Variants in SKA1 observed in about 807,000 individuals in gnomAD.
SKA1 encodes the protein SKA complex subunit 1.
A neutral mutation model predicts 31.8 loss-of-function variants in SKA1; 20 were observed. The observed-to-expected ratio is 0.63, with a 90% CI of 0.44 to 0.91. The LOEUF is 0.91. Among genes scored for constraint, SKA1 ranks in the 40% least tolerant of loss-of-function variants. SKA1 has a pLI of 0.00. For synonymous variants in SKA1, 88 were observed against 100.5 expected, an observed-to-expected ratio of 0.88 and a Z score of 0.74; for missense variants, 253 against 298.2, an observed-to-expected ratio of 0.85 and a Z score of 1.12.
rs1270001632 is a variant in SKA1, at chr18:50,392,126, T to C, written c.647T>C (p.Ile216Thr). 1 of 1,601,482 alleles carries C rather than the reference T, an allele frequency of 6.2e-7. No homozygotes were observed. The highest frequency in any genetic ancestry group is 8.5e-7 in the Non-Finnish European group (1 of 1,177,110). ...KGRYFIVEAD[I>T]KEFTTLKADK... Reference sequence around the variant, plus strand: ...CGTTATTTTATAGTGGAAGCTGACATAAAGGAGTTCACAACTTTGAAAGCT... The same window carrying C: ...CGTTATTTTATAGTGGAAGCTGACACAAAGGAGTTCACAACTTTGAAAGCT... The change falls in exon 7 of 7, where the codon ATA (isoleucine) becomes ACA (threonine). Residue 216 changes from isoleucine to threonine, a missense_variant. Coordinates refer to ENST00000285116, the MANE Select transcript of SKA1 (RefSeq NM_145060.4).
intron 5 of SKA1, among the ~76,000 whole-genome samples, chr18:50,387,846 T>A (rs1165908465): frequency 6.6e-6 from 1 of 152,244 alleles, no homozygotes; most frequent in African/African-American, 2.4e-5. Context: ...CCAAAATCTC[T>A]GTCATTTCTC....
intron 2 of SKA1, 22 bp from the exon 3 acceptor site, chr18:50,380,104 A>C (rs2041251572): frequency 2.7e-6 from 4 of 1,485,600 alleles, no homozygotes; most frequent in Non-Finnish European, 3.6e-6. Context: ...TTTGTTTTCT[A>C]TTTTATTTTT....
Position 50,392,351 on chromosome 18 carries a change from C to CTTTTTT in SKA1, c.*104_*105insTTTTTT. 1.3e-6 allele frequency: 1 copy of CTTTTTT among 775,568 alleles called. No individual in the cohort carries two copies. Among genetic ancestry groups the CTTTTTT allele is most frequent in the African/African-American group, 2.1e-5 (1 of 48,548 alleles). The allele number at this position is 775,568 out of a possible 1,614,324, so 48.0% of individuals were successfully genotyped here. A position where few individuals can be genotyped will look rare whatever the true frequency, so the allele number is the denominator to read the frequency against. On this transcript the variant is annotated 3_prime_UTR_variant, in exon 7 of 7. Transcript: ENST00000285116. ...TTTTAACTTTTAATCTTTTTTGTTT[C>CTTTTTT]CTTTTTTTTTTTTTTGAGACAGGAT...
At chr18:50,388,676 G>C (rs1464317257) in intron 5 of SKA1, among the ~76,000 whole-genome samples, 3 of 152,184 alleles carry the variant, frequency 2.0e-5, no homozygotes, top group Admixed American at 6.5e-5. Flanking sequence ...GTCAGATAAG[G>C]TTCTGGTCAA....
chr18:50,389,968 C>G (rs1229214018), intron 5 of SKA1, among the ~76,000 whole-genome samples: 1 of 152,086 alleles, frequency 6.6e-6, no homozygotes, highest in Non-Finnish European at 1.5e-5. Context: ...GTGAAAAAAT[C>G]ATGTTTTCCA....
chr18:50,389,038 C>T (rs894939391), intron 5 of SKA1, among the ~76,000 whole-genome samples: 1 of 152,160 alleles, frequency 6.6e-6, no homozygotes, highest in Non-Finnish European at 1.5e-5. Flanking sequence ...TTTGTCTCTC[C>T]TGTTTTGGGG....
intron 5 of SKA1, among the ~76,000 whole-genome samples, chr18:50,390,170 G>A (rs866056220): frequency 3.1e-4 from 47 of 152,216 alleles, no homozygotes; most frequent in African/African-American, 1.1e-3. Context: ...GAAAAAACAG[G>A]ACAGCAAAAA....
At chr18:50,380,058 C>A in intron 2 of SKA1, 68 bp from the exon 3 acceptor site, 1 of 1,315,486 alleles carries the variant, frequency 7.6e-7, no homozygotes, top group South Asian at 1.7e-5. Context: ...TCTAAGAGTT[C>A]GCATGAGTAC....
intron 1 of SKA1, 92 bp downstream of exon 1, chr18:50,375,286 G>A (rs947781311): frequency 6.6e-6 from 1 of 152,542 alleles, no homozygotes; most frequent in Non-Finnish European, 1.5e-5. Context: ...GGGCTTGGGG[G>A]AGGACGGGGC....
intron 5 of SKA1, among the ~76,000 whole-genome samples, chr18:50,388,478 A>G (rs1185700032): frequency 2.0e-5 from 3 of 152,130 alleles, no homozygotes; most frequent in Non-Finnish European, 4.4e-5. Flanking sequence ...TAGCTTGCTA[A>G]GTGTTAGTTC....
chr18:50,390,441 C>G (rs756027896), intron 5 of SKA1, among the ~76,000 whole-genome samples: 1 of 152,178 alleles, frequency 6.6e-6, no homozygotes, highest in Non-Finnish European at 1.5e-5. Flanking sequence ...TATTGTAAGA[C>G]TCCATGGTGA....
intron 6 of SKA1, among the ~76,000 whole-genome samples, chr18:50,391,546 A>C (rs1374586398): frequency 6.6e-6 from 1 of 152,230 alleles, no homozygotes; most frequent in Non-Finnish European, 1.5e-5. Flanking sequence ...TAGCACCCAC[A>C]AAATAAATTC....
Position 50,380,111 on chromosome 18 carries a change from T to C in SKA1, c.89-15T>C, listed in dbSNP as rs776136370. On this transcript the variant is annotated splice_polypyrimidine_tract_variant and intron_variant, in intron 2 of 6. Coordinates refer to ENST00000285116, the MANE Select transcript of SKA1 (RefSeq NM_145060.4). ...CTATACACTTTGTTTTCTATTTTATTTTTGTTTATAACAGGCCAGGAACCT... is the reference window on the plus strand; with the variant it reads ...CTATACACTTTGTTTTCTATTTTATCTTTGTTTATAACAGGCCAGGAACCT... The C allele has an allele frequency of 7.4e-6, 11 of 1,494,474 alleles. No homozygotes were observed. In the East Asian group the frequency reaches 2.6e-4, roughly 35 times the overall value. The allele number at this position is 1,494,474 out of a possible 1,614,324, so 92.6% of individuals were successfully genotyped here.
chr18:50,389,375 CTTTTTTTT>C (rs756288352), intron 5 of SKA1, among the ~76,000 whole-genome samples: 27 of 86,140 alleles, frequency 3.1e-4, no homozygotes, highest in East Asian at 1.8e-3. Context: ...CTTTACCTTT[CTTTTTTTT>C]TTTTTTTTTT....
intron 1 of SKA1, 72 bp from the exon 2 acceptor site, chr18:50,375,748 T>G: frequency 1.1e-6 from 1 of 940,938 alleles, no homozygotes; most frequent in Non-Finnish European, 1.6e-6. Flanking sequence ...TTGACCATTC[T>G]TGGATTTCGA....
At position 50,385,225 on chromosome 18, in the gene SKA1, A is replaced by G. The variant is rs751685179; in HGVS notation, c.321A>G (p.Gly107=). Residue 107 remains glycine (G), a synonymous_variant, in exon 5 of 7, where the codon GGA becomes GGG. Coordinates refer to ENST00000285116, the MANE Select transcript of SKA1 (RefSeq NM_145060.4). ...QVTVTQSCVK[G]SDLDPEEPIK... ...CATCTGTATTCTGTAGTGTTAAGGG[A>G]TCAGATCTTGATCCTGAAGAACCAA... is the stretch of plus-strand genomic sequence containing the variant. The G allele has an allele frequency of 1.2e-6, 2 of 1,612,846 alleles. No homozygotes were observed. Among genetic ancestry groups the G allele is most frequent in the Non-Finnish European group, 1.7e-6 (2 of 1,179,552 alleles).
intron 5 of SKA1, 104 bp from the exon 6 acceptor site, chr18:50,391,020 G>T: frequency 1.3e-6 from 1 of 755,604 alleles, no homozygotes; most frequent in Non-Finnish European, 2.0e-6. Flanking sequence ...AAAGGGTACT[G>T]TAGTTTTACT....
chr18:50,382,163 A>T lies in SKA1; in HGVS notation c.248A>T (p.Asp83Val). ...GAATCTCTTGAAGAAGATTACAAAG[A>T]CATAGAACATCTTAAAGAAAACGTT... ...LCESLEEDYK[D>V]IEHLKENVPS... Residue 83 changes from aspartate to valine, a missense_variant, in exon 4 of 7, where the codon GAC (aspartate) becomes GTC (valine). Physicochemically the swap from Asp to Val is radical, Grantham distance 152. Transcript: ENST00000285116. 6.5e-7 allele frequency: 1 copy of T among 1,545,906 alleles called. No homozygotes were observed. The highest frequency in any genetic ancestry group is 8.7e-7 in the Non-Finnish European group (1 of 1,155,316).
At chr18:50,387,763 T>C (rs1255857058) in intron 5 of SKA1, among the ~76,000 whole-genome samples, 1 of 152,252 alleles carries the variant, frequency 6.6e-6, no homozygotes, top group Non-Finnish European at 1.5e-5. Context: ...TGTCTATTCT[T>C]GCATTTTATC....
Sources: gnomAD v4.1 joint callset for allele counts (sites outside exome capture counted in the v4.1 genomes callset) on GRCh38, gnomAD v4.1.1 for gene constraint, MANE v1.5 for transcripts, NCBI Gene and HGNC (gene_info 2026-07-23, HGNC 2026-07-21) for gene names.